The following FSTL4 variants were observed in gnomAD, a reference collection of about 807,000 sequenced individuals.
The protein encoded by FSTL4 is follistatin-related protein 4.
FSTL4 carries 28 observed loss-of-function variants against 78.2 expected under a neutral mutation model. The observed-to-expected ratio is 0.36, with a 90% CI of 0.27 to 0.49. The LOEUF (loss-of-function observed/expected upper bound fraction) is 0.49. Among genes scored for constraint, FSTL4 ranks in the 20% least tolerant of loss-of-function variants. The probability of loss-of-function intolerance (pLI) is 0.98; values close to 1 mark genes in which losing one functional copy is unlikely to be tolerated. For missense variants in FSTL4, 922 were observed against 1,084.9 expected, an observed-to-expected ratio of 0.85 and a Z score of 2.11; for synonymous variants, 422 against 440.5, an observed-to-expected ratio of 0.96 and a Z score of 0.53.
rs114828131 is a variant in FSTL4 at position 133,360,367 on chromosome 5, T to A, written c.409+40371A>T. ...CACATGAAAATGTGTTCTGGTCCAA[T>A]GATCATTTTGCAGAATCTAAGTCTG... On this transcript the variant is annotated intron_variant, in intron 4 of 15. Transcript: ENST00000265342. Among the ~76,000 whole-genome samples, 178 of 152,300 alleles carry A rather than the reference T, an allele frequency of 1.2e-3. 1 individual carries two copies. The highest frequency in any genetic ancestry group is 1.7e-3 in the Non-Finnish European group (113 of 68,030).
At chr5:133,701,341 T>C in the FSTL4 span, among the ~76,000 whole-genome samples, 8 of 146,334 alleles carry the variant, frequency 5.5e-5, no homozygotes, top group Non-Finnish European at 1.2e-4. Context: ...AGTCGGAGGT[T>C]GCAGTGAGCC....
At chr5:133,709,990 G>A in the FSTL4 span, among the ~76,000 whole-genome samples, 9 of 152,334 alleles carry the variant, frequency 5.9e-5, no homozygotes, top group South Asian at 1.0e-3. Context: ...TGCAGAGCCT[G>A]AGATGTGTCT....
chr5:133,616,308 T>TG (rs1761196146), upstream of FSTL4, among the ~76,000 whole-genome samples: 1 of 131,784 alleles, frequency 7.6e-6, no homozygotes, highest in Non-Finnish European at 1.6e-5. Context: ...TGTGAAAATC[T>TG]AAATCTATCT....
chr5:133,496,748 G>T (rs1226341832), intron 3 of FSTL4, among the ~76,000 whole-genome samples: 1 of 152,136 alleles, frequency 6.6e-6, no homozygotes, highest in African/African-American at 2.4e-5. Flanking sequence ...GCTGTCCCAG[G>T]AGGGAGGTTC....
intron 2 of FSTL4, among the ~76,000 whole-genome samples, chr5:133,593,531 C>T (rs562975356): frequency 2.6e-5 from 4 of 152,156 alleles, no homozygotes; most frequent in Admixed American, 6.5e-5. Context: ...CAGCCCCCAA[C>T]CCGCACTCTT....
At chr5:133,679,944 C>T in the FSTL4 span, among the ~76,000 whole-genome samples, 1 of 152,194 alleles carries the variant, frequency 6.6e-6, no homozygotes, top group Non-Finnish European at 1.5e-5. Context: ...ATACTACCCA[C>T]AAACAGATAG....
At chr5:133,660,653 T>A in the FSTL4 span, among the ~76,000 whole-genome samples, 4 of 152,226 alleles carry the variant, frequency 2.6e-5, no homozygotes, top group Admixed American at 2.0e-4. Flanking sequence ...CTCCCCAGCC[T>A]GTGCCACTGG....
At chr5:133,696,378 C>T in the FSTL4 span, among the ~76,000 whole-genome samples, 3 of 152,362 alleles carry the variant, frequency 2.0e-5, no homozygotes, top group East Asian at 5.8e-4. Context: ...ATCCACCAGC[C>T]TTCCTGCAGG....
At chr5:133,829,595 C>T in the FSTL4 span, among the ~76,000 whole-genome samples, 153 of 152,268 alleles carry the variant, frequency 1.0e-3, no homozygotes, top group Middle Eastern at 3.4e-3. Context: ...CAGGTGCTTT[C>T]CTTGTGTTGT....
chr5:133,744,608 T>G, the FSTL4 span, among the ~76,000 whole-genome samples: 1 of 152,234 alleles, frequency 6.6e-6, no homozygotes, highest in African/African-American at 2.4e-5. Flanking sequence ...CTGCTCACCC[T>G]TCTTCCCTGG....
At chr5:133,690,906 C>T in the FSTL4 span, among the ~76,000 whole-genome samples, 13 of 152,284 alleles carry the variant, frequency 8.5e-5, no homozygotes, top group Non-Finnish European at 1.3e-4. Flanking sequence ...TTTGCTGTCA[C>T]GTTTCCTCCA....
chr5:133,615,364 C>T (rs188377043), upstream of FSTL4, among the ~76,000 whole-genome samples: 1 of 152,302 alleles, frequency 6.6e-6, no homozygotes, highest in African/African-American at 2.4e-5. Flanking sequence ...ACTGAAGAGC[C>T]AGCCCTGTGC....
At chr5:133,833,421 T>TATTAATC in the FSTL4 span, among the ~76,000 whole-genome samples, 3 of 152,252 alleles carry the variant, frequency 2.0e-5, no homozygotes, top group Admixed American at 6.5e-5. Context: ...GCATAAAGAA[T>TATTAATC]ATTAATCTGT....
intron 3 of FSTL4, among the ~76,000 whole-genome samples, chr5:133,466,626 C>T (rs79786647): frequency 3.5e-3 from 533 of 152,294 alleles, no homozygotes; most frequent in Non-Finnish European, 5.7e-3. Flanking sequence ...ACCATGTATC[C>T]GGTCAACATT....
chr5:133,603,887 C>G lies in FSTL4; in HGVS notation c.97G>C (p.Asp33His), dbSNP rs749249156. The change falls in exon 2 of 16, where the codon GAT becomes CAT. Residue 33 changes from aspartate (D) to histidine (H), a missense_variant. Transcript: ENST00000265342. ...WMDPGTSRGP[D>H]VGVGESQAEE... ...GCCTGTGACTCCCCCACACCCACAT[C>G]CGGGCCTCTGCTGGTTCCTGGGTCC... The G allele has an allele frequency of 1.2e-6, 2 of 1,614,192 alleles. No individual in the cohort carries two copies. The highest frequency in any genetic ancestry group is 3.3e-5 in the Admixed American group (2 of 60,036).
the FSTL4 span, among the ~76,000 whole-genome samples, chr5:133,702,410 A>G: frequency 6.6e-6 from 1 of 152,062 alleles, no homozygotes; most frequent in African/African-American, 2.4e-5. Context: ...TAACCCTGGA[A>G]CCTCAGAGCA....
intron 3 of FSTL4, among the ~76,000 whole-genome samples, chr5:133,556,780 C>T (rs1759797173): frequency 6.6e-6 from 1 of 152,104 alleles, no homozygotes; most frequent in South Asian, 2.1e-4. Context: ...CCCAGCGAGC[C>T]TCCACCAACC....
the FSTL4 span, among the ~76,000 whole-genome samples, chr5:133,670,583 A>G: frequency 0.67 from 101,844 of 152,154 alleles, 35,429 homozygotes; most frequent in African/African-American, 0.87. Context: ...ATGGAGTAGT[A>G]ACTAACCTGT....
At chr5:133,445,707 A>G (rs934056285) in intron 3 of FSTL4, among the ~76,000 whole-genome samples, 2 of 152,210 alleles carry the variant, frequency 1.3e-5, no homozygotes, top group Admixed American at 6.5e-5. Flanking sequence ...TTCTTCCCCA[A>G]AACGTGCACA....
Sources: gnomAD v4.1 joint callset for allele counts (sites outside exome capture counted in the v4.1 genomes callset) on GRCh38, gnomAD v4.1.1 for gene constraint, MANE v1.5 for transcripts, NCBI Gene and HGNC (gene_info 2026-07-23, HGNC 2026-07-21) for gene names.